The following FHIT variants were observed in gnomAD, a reference collection of about 807,000 sequenced individuals.
The protein encoded by FHIT is fragile histidine triad diadenosine triphosphatase.
Under a neutral mutation model 17.9 loss-of-function variants are expected in FHIT, and 19 were observed. The ratio of observed to expected loss-of-function variants is 1.06; its 90% CI spans 0.74 to 1.56. The LOEUF is 1.56. Among genes scored for constraint, FHIT ranks in the 40% most tolerant of loss-of-function variants. The pLI, the probability that FHIT is intolerant of heterozygous loss-of-function variation, is 0.00. For missense variants in FHIT, 248 were observed against 189.2 expected, an observed-to-expected ratio of 1.31 and a Z score of -1.82; for synonymous variants, 81 against 69.7, an observed-to-expected ratio of 1.16 and a Z score of -0.81.
chr3:60,512,167 T>C (rs898111066), intron 5 of FHIT, among the ~76,000 whole-genome samples: 1 of 152,166 alleles, frequency 6.6e-6, no homozygotes, highest in Non-Finnish European at 1.5e-5. Flanking sequence ...GAACAAGACA[T>C]GTCTATTAAT....
chr3:61,188,188 G>C (rs1363486758), intron 2 of FHIT, among the ~76,000 whole-genome samples: 1 of 152,056 alleles, frequency 6.6e-6, no homozygotes, highest in Admixed American at 6.5e-5. Context: ...CCGCTAGCAA[G>C]ACTAATAAAG....
chr3:60,692,904 T>A (rs1055520472), intron 4 of FHIT, among the ~76,000 whole-genome samples: 1 of 152,200 alleles, frequency 6.6e-6, no homozygotes, highest in Non-Finnish European at 1.5e-5. Context: ...CTGATTAGCG[T>A]TTGCATGTTT....
intron 5 of FHIT, among the ~76,000 whole-genome samples, chr3:60,189,260 G>C (rs998747374): frequency 3.3e-5 from 5 of 151,990 alleles, no homozygotes; most frequent in African/African-American, 1.2e-4. Flanking sequence ...AGAGGAGAAA[G>C]AAAAGAAAAG....
intron 3 of FHIT, among the ~76,000 whole-genome samples, chr3:60,828,601 A>G (rs1266925381): frequency 5.3e-5 from 8 of 152,138 alleles, no homozygotes; most frequent in African/African-American, 1.9e-4. Context: ...GGAGCAGGCT[A>G]GGCATGGTGG....
chr3:61,097,933 T>G (rs1423373874), intron 2 of FHIT, among the ~76,000 whole-genome samples: 1 of 152,242 alleles, frequency 6.6e-6, no homozygotes, highest in Admixed American at 6.5e-5. Flanking sequence ...TCCTTTACTG[T>G]GCAGAAGCTC....
chr3:61,228,506 T>A (rs1297862293), intron 1 of FHIT, among the ~76,000 whole-genome samples: 10 of 152,224 alleles, frequency 6.6e-5, no homozygotes. Flanking sequence ...TGGGTCTTCA[T>A]TTCCTTATGA....
chr3:60,329,842 C>T (rs1017871980), intron 5 of FHIT, among the ~76,000 whole-genome samples: 8 of 152,264 alleles, frequency 5.3e-5, no homozygotes, highest in Admixed American at 2.6e-4. Flanking sequence ...TTTGTGGCTA[C>T]TAGTGAACAA....
intron 2 of FHIT, among the ~76,000 whole-genome samples, chr3:61,139,745 T>A (rs1273516889): frequency 6.6e-6 from 1 of 152,168 alleles, no homozygotes; most frequent in African/African-American, 2.4e-5. Context: ...CTCATGTATA[T>A]GTGGTACTAT....
intron 5 of FHIT, among the ~76,000 whole-genome samples, chr3:60,430,737 T>C (rs564267320): frequency 6.6e-6 from 1 of 152,236 alleles, no homozygotes; most frequent in African/African-American, 2.4e-5. Context: ...TCTAAGCTTT[T>C]ACTGAACTTT....
intron 5 of FHIT, among the ~76,000 whole-genome samples, chr3:60,147,553 G>T (rs1163191631): frequency 6.6e-6 from 1 of 152,156 alleles, no homozygotes; most frequent in African/African-American, 2.4e-5. Flanking sequence ...AGACTCTGTG[G>T]CTTTATACTG....
At chr3:59,871,642 T>C (rs1575619127) in intron 8 of FHIT, among the ~76,000 whole-genome samples, 1 of 152,212 alleles carries the variant, frequency 6.6e-6, no homozygotes, top group African/African-American at 2.4e-5. Context: ...GCCAGGAAGC[T>C]ACTTGGAGGC....
chr3:61,235,721 T>C (rs890334279), intron 1 of FHIT, among the ~76,000 whole-genome samples: 17 of 152,144 alleles, frequency 1.1e-4, no homozygotes, highest in Non-Finnish European at 8.8e-5. Context: ...AGAACCCATG[T>C]TGGATACAGA....
intron 5 of FHIT, among the ~76,000 whole-genome samples, chr3:60,475,766 G>A (rs945054185): frequency 6.6e-6 from 1 of 152,180 alleles, no homozygotes; most frequent in Admixed American, 6.5e-5. Context: ...CTTGAGTGCT[G>A]AGCTGACGCC....
At chr3:60,182,569 G>A (rs1701983104) in intron 5 of FHIT, among the ~76,000 whole-genome samples, 1 of 152,086 alleles carries the variant, frequency 6.6e-6, no homozygotes, top group South Asian at 2.1e-4. Flanking sequence ...TTGAGCCCCA[G>A]AGTTTTGAGA....
chr3:61,144,306 T>G (rs115223711), intron 2 of FHIT, among the ~76,000 whole-genome samples: 1,792 of 152,362 alleles, frequency 0.012, 12 homozygotes, highest in Middle Eastern at 0.024. Flanking sequence ...TGTGTCCTTT[T>G]GCGACTAGCT....
At chr3:61,044,624 T>C (rs116341823) in intron 2 of FHIT, among the ~76,000 whole-genome samples, 2,632 of 151,980 alleles carry the variant, frequency 0.017, 86 homozygotes, top group African/African-American at 0.06. Context: ...ATTCAGGAAA[T>C]ACAGAGACGC....
chr3:60,677,433 A>T (rs2107854578), intron 4 of FHIT, among the ~76,000 whole-genome samples: 1 of 152,180 alleles, frequency 6.6e-6, no homozygotes, highest in South Asian at 2.1e-4. Context: ...GAGTTTTTTC[A>T]CTTAAGATAA....
chr3:60,644,256 T>C (rs993859931), intron 4 of FHIT, among the ~76,000 whole-genome samples: 1 of 152,208 alleles, frequency 6.6e-6, no homozygotes, highest in South Asian at 2.1e-4. Context: ...TATCCTGTTT[T>C]TCTTCATAGG....
chr3:60,592,471 T>C (rs552628309), intron 4 of FHIT, among the ~76,000 whole-genome samples: 2 of 152,200 alleles, frequency 1.3e-5, no homozygotes, highest in South Asian at 4.1e-4. Flanking sequence ...CCAGAACTTG[T>C]CTGGCCACTG....
Sources: gnomAD v4.1 joint callset for allele counts (sites outside exome capture counted in the v4.1 genomes callset) on GRCh38, gnomAD v4.1.1 for gene constraint, MANE v1.5 for transcripts, NCBI Gene and HGNC (gene_info 2026-07-23, HGNC 2026-07-21) for gene names.